SULT1A2: variants seen among roughly 807,000 people sequenced by gnomAD.
SULT1A2 encodes the protein sulfotransferase family 1A member 2.
In SULT1A2, 33 loss-of-function variants were observed where a neutral mutation model predicts 36.0. That is an observed-to-expected ratio of 0.92 (90% CI 0.69 to 1.22). The LOEUF is 1.22. Among genes scored for constraint, SULT1A2 ranks in the 50% most tolerant of loss-of-function variants. The probability of loss-of-function intolerance (pLI) is 0.00; values close to 1 mark genes in which losing one functional copy is unlikely to be tolerated. For synonymous variants in SULT1A2, 138 were observed against 144.5 expected (o/e 0.96, Z 0.32); for missense variants, 367 against 383.2 (o/e 0.96, Z 0.35).
At chr16:28,594,092 GTTT>G (rs545331312) in intron 4 of SULT1A2, among the ~76,000 whole-genome samples, 4 of 124,564 alleles carry the variant, frequency 3.2e-5, no homozygotes, top group African/African-American at 8.5e-5. Flanking sequence ...TTTTGTTGTG[GTTT>G]TTTTTTTTTT....
chr16:28,592,284 T>C lies in SULT1A2; in HGVS notation c.754A>G (p.Ile252Val). Residue 252 changes from isoleucine (I) to valine (V), a missense_variant, in exon 7 of 8, where the codon ATC (isoleucine) becomes GTC (valine). By Grantham distance (29) the Ile-to-Val change is conservative. Coordinates refer to ENST00000335715, the MANE Select transcript of SULT1A2 (RefSeq NM_001054.4). Reference sequence around the variant, plus strand: ...CTACCTTTCCTCATGAAGGGGGAGATGCTGTGGTCCATGAACTCCCGGCGG... The same window carrying C: ...CTACCTTTCCTCATGAAGGGGGAGACGCTGTGGTCCATGAACTCCCGGCGG... ...TVRREFMDHS[I>V]SPFMRKGMAG... is the part of the protein sequence containing the mutation. The C allele has an allele frequency of 6.2e-7, 1 of 1,613,924 alleles. No individual in the cohort carries two copies. Among genetic ancestry groups the C allele is most frequent in the East Asian group, 2.2e-5 (1 of 44,864 alleles).
chr16:28,596,404 A>C, intron 1 of SULT1A2: 2 of 1,013,662 alleles, frequency 2.0e-6, no homozygotes, highest in Non-Finnish European at 2.5e-6. Context: ...TCGGCCCCTC[A>C]CATGTGGCAA....
At position 28,592,030 on chromosome 16, in the gene SULT1A2, A is replaced by T. The variant is rs751173136; in HGVS notation, c.886T>A (p.Ter296ArgextTer16). 2 of 1,611,604 alleles carry T rather than the reference A, an allele frequency of 1.2e-6. No homozygotes were observed. Among genetic ancestry groups the T allele is most frequent in the Non-Finnish European group, 1.7e-6 (2 of 1,179,784 alleles). The change falls in exon 8 of 8, where the codon TGA becomes AGA. Residue 296 changes from the stop codon to arginine (R), a stop_lost. Transcript: ENST00000335715. Reference protein sequence around the residue: ...GCSLSFRSEL* With the variant: ...GCSLSFRSELR Reference sequence around the variant, plus strand: ...TGCAGTGACTCCAGGAACCCCTCTCACAGCTCAGAGCGGAAGCTGAGGCTG... The same window carrying T: ...TGCAGTGACTCCAGGAACCCCTCTCTCAGCTCAGAGCGGAAGCTGAGGCTG...
intron 6 of SULT1A2, 41 bp from the exon 7 acceptor site, chr16:28,592,484 G>A: frequency 1.2e-6 from 2 of 1,614,020 alleles, no homozygotes; most frequent in East Asian, 2.2e-5. Context: ...TTGGATTGCT[G>A]ATTCAGGAAA....
intron 4 of SULT1A2, among the ~76,000 whole-genome samples, chr16:28,594,186 G>A (rs968025715): frequency 1.3e-5 from 2 of 151,608 alleles, no homozygotes; most frequent in Middle Eastern, 3.2e-3. Flanking sequence ...TGTTGCCCAG[G>A]TTGGAGTGCA....
At chr16:28,593,683 G>T (rs778531879) in intron 4 of SULT1A2, 115 bp from the exon 5 acceptor site, 61 of 1,552,356 alleles carry the variant, frequency 3.9e-5, no homozygotes, top group Non-Finnish European at 7.0e-6. Context: ...ACTTGTTTGA[G>T]ATCTCACGGC....
Position 28,595,846 on chromosome 16 carries a change from C to T in SULT1A2, c.85G>A (p.Gly29Arg), listed in dbSNP as rs2151667004. 6.2e-7 allele frequency: 1 copy of T among 1,611,654 alleles called. No homozygotes were observed. Among genetic ancestry groups the T allele is most frequent in the Admixed American group, 1.7e-5 (1 of 59,976 alleles). Residue 29 changes from glycine to arginine, a missense_variant, in exon 2 of 8, where the codon GGG (glycine) becomes AGG (arginine). Physicochemically the swap from Gly to Arg is moderately radical, Grantham distance 125. Coordinates refer to ENST00000335715, the MANE Select transcript of SULT1A2 (RefSeq NM_001054.4). Reference protein sequence around the residue: ...PLIKYFAEALGPLQSFQARPD... With the variant: ...PLIKYFAEALRPLQSFQARPD... ...CGGGCCTGGAAGCTCTGCAGGGGCC[C>T]CAGTGCCTCTGCAAAGTACTTGATG... is the stretch of plus-strand genomic sequence containing the variant.
At position 28,592,458 on chromosome 16, in the gene SULT1A2, GCTC is replaced by G. The variant is rs750713789; in HGVS notation, c.595-18_595-16del. 11 of 1,614,056 alleles carry G rather than the reference GCTC, an allele frequency of 6.8e-6. No individual in the cohort carries two copies. In the African/African-American group the frequency reaches 1.3e-4, roughly 20 times the overall value. On this transcript the variant is annotated splice_polypyrimidine_tract_variant and intron_variant, in intron 6 of 7. Coordinates refer to ENST00000335715, the MANE Select transcript of SULT1A2 (RefSeq NM_001054.4). ...CTTTTGGGGTTCTGAGCAGCAGAGG[GCTC>G]CTCAGTGGAGGCTTGGATTGCTGAT...
intron 4 of SULT1A2, among the ~76,000 whole-genome samples, chr16:28,594,241 A>C (rs922447981): frequency 6.6e-6 from 1 of 152,054 alleles, no homozygotes; most frequent in Non-Finnish European, 1.5e-5. Context: ...CCCAGGCTCA[A>C]GCAATCCTCC....
In SULT1A2 at chr16:28,596,376, T is replaced by C. The variant is rs553706745; in HGVS notation, c.-4-442A>G. ...ACCCAGTAGGCTCCTCTCCCCGATG[T>C]TCCCCTCCTTGAGCCCCTCGGCCCC... On this transcript the variant is annotated intron_variant, in intron 1 of 7. Transcript: ENST00000335715. 655 of 1,109,578 alleles carry C rather than the reference T, an allele frequency of 5.9e-4. 5 individuals carry two copies. The highest frequency in any genetic ancestry group is 3.5e-3 in the South Asian group (171 of 49,306). The allele number at this position is 1,109,578 out of a possible 1,614,324, so 68.7% of individuals were successfully genotyped here. A position where few individuals can be genotyped will look rare whatever the true frequency, so the allele number is the denominator to read the frequency against.
At chr16:28,592,941 G>T (rs747342144) in intron 6 of SULT1A2, among the ~76,000 whole-genome samples, 2 of 152,118 alleles carry the variant, frequency 1.3e-5, no homozygotes, top group Non-Finnish European at 2.9e-5. Flanking sequence ...GAACCTGGGA[G>T]GGGGGGTTAC....
At position 28,592,354 on chromosome 16, in the gene SULT1A2, C is replaced by T. The variant is rs141569114; in HGVS notation, c.684G>A (p.Ser228=). ...ETVDLMVEHT[S]FKEMKKNPMT... ...TAGGGTTCTTCTTCATCTCCTTGAA[C>T]GACGTGTGCTCAACCATGAGGTCCA... is the stretch of plus-strand genomic sequence containing the variant. Residue 228 remains serine (S), a synonymous_variant, in exon 7 of 8, where the codon TCG becomes TCA. Coordinates refer to ENST00000335715, the MANE Select transcript of SULT1A2 (RefSeq NM_001054.4). 1.1e-4 allele frequency: 184 copies of T among 1,613,928 alleles called. No individual in the cohort carries two copies. Among genetic ancestry groups the T allele is most frequent in the South Asian group, 6.9e-4 (63 of 91,074 alleles).
chr16:28,596,818 C>A, intron 1 of SULT1A2, 179 bp downstream of exon 1: 2 of 364,408 alleles, frequency 5.5e-6, no homozygotes, highest in East Asian at 9.7e-5. Context: ...GACAGCAAGA[C>A]CTGGCCTCCC....
rs145008170 is a variant in SULT1A2, at chr16:28,595,800, C to T, written c.131G>A (p.Ser44Asn). ...TCACCTACCGGACTTGGGGTAGGTG[C>T]TGATGAGCAGGTCATCAGGCCGGGC... ...FQARPDDLLI[S>N]TYPKSGTTWV... Residue 44 changes from serine to asparagine, a missense_variant, in exon 2 of 8, where the codon AGC (serine) becomes AAC (asparagine). Physicochemically the swap from Ser to Asn is conservative, Grantham distance 46. Transcript: ENST00000335715. The T allele has an allele frequency of 4.0e-4, 639 of 1,612,672 alleles. 2 individuals are homozygous for T. The highest frequency in any genetic ancestry group is 4.8e-4 in the Non-Finnish European group (564 of 1,179,416).
At chr16:28,594,530 G>C (rs2047035948) in intron 4 of SULT1A2, among the ~76,000 whole-genome samples, 1 of 152,132 alleles carries the variant, frequency 6.6e-6, no homozygotes, top group South Asian at 2.1e-4. Context: ...TCGGCTCACT[G>C]CAACCACCGC....
chr16:28,596,914 G>C, intron 1 of SULT1A2, 83 bp downstream of exon 1: 4 of 986,018 alleles, frequency 4.1e-6, no homozygotes, highest in Non-Finnish European at 4.0e-6. Context: ...GGCAGGGATA[G>C]CAGAGGCCTC....
At position 28,593,428 on chromosome 16, in the gene SULT1A2, C is replaced by T. The variant is rs1172029270; in HGVS notation, c.499+14G>A. 6.2e-7 allele frequency: 1 copy of T among 1,614,182 alleles called. No homozygotes were observed. Among genetic ancestry groups the T allele is most frequent in the South Asian group, 1.1e-5 (1 of 91,086 alleles). ...CCCTTAGCTCCACACCTTCCTTCCT[C>T]CCATCAAGCCCACCTTCTCCAGCCA... On this transcript the variant is annotated intron_variant, in intron 5 of 7. Transcript: ENST00000335715.
At chr16:28,592,471 G>C in intron 6 of SULT1A2, 28 bp from the exon 7 acceptor site, 2 of 1,614,156 alleles carry the variant, frequency 1.2e-6, no homozygotes, top group Non-Finnish European at 1.7e-6. Flanking sequence ...CCTCAGTGGA[G>C]GCTTGGATTG....
intron 6 of SULT1A2, among the ~76,000 whole-genome samples, chr16:28,592,660 G>A (rs2047008290): frequency 6.6e-6 from 1 of 152,172 alleles, no homozygotes. Context: ...TATGGGTAAG[G>A]ACTGGGATGG....
Sources: allele counts gnomAD v4.1 joint callset (sites outside exome capture counted in the v4.1 genomes callset), GRCh38; gene constraint gnomAD v4.1.1; transcripts MANE v1.5; gene names NCBI Gene and HGNC (gene_info 2026-07-23, HGNC 2026-07-21).